FRMD4A: variants seen among roughly 807,000 people sequenced by gnomAD.
The protein encoded by FRMD4A is FERM domain containing 4A.
FRMD4A carries 29 observed loss-of-function variants against 129.1 expected under a neutral mutation model. The ratio of observed to expected loss-of-function variants is 0.22; its 90% CI spans 0.17 to 0.31. The LOEUF (loss-of-function observed/expected upper bound fraction) is 0.31, where lower values mean the gene tolerates loss of function less well. FRMD4A is among the 10% of genes least tolerant of loss of function. FRMD4A has a pLI of 1.00. For synonymous variants in FRMD4A, 634 were observed against 571.6 expected (o/e 1.11, Z -1.56); for missense variants, 1,272 against 1,375.8 (o/e 0.92, Z 1.19).
intron 2 of FRMD4A, among the ~76,000 whole-genome samples, chr10:13,983,820 T>C (rs932770965): frequency 4.7e-5 from 7 of 149,852 alleles, no homozygotes; most frequent in Non-Finnish European, 8.8e-5. Context: ...GCCAATGTGG[T>C]GAAACCTCGT....
chr10:13,864,285 C>T (rs904386242), intron 2 of FRMD4A, among the ~76,000 whole-genome samples: 5 of 147,300 alleles, frequency 3.4e-5, no homozygotes, highest in Non-Finnish European at 7.4e-5. Flanking sequence ...CATGAGCCAC[C>T]ACACCCCGCC....
chr10:13,665,021 T>TA (rs1281077588), intron 18 of FRMD4A, among the ~76,000 whole-genome samples: 1 of 152,194 alleles, frequency 6.6e-6, no homozygotes, highest in African/African-American at 2.4e-5. Context: ...TAGCTAGGAT[T>TA]ACAGGCATGC....
intron 2 of FRMD4A, among the ~76,000 whole-genome samples, chr10:14,051,980 G>A (rs1277250566): frequency 6.6e-6 from 1 of 152,224 alleles, no homozygotes; most frequent in Non-Finnish European, 1.5e-5. Flanking sequence ...AAGGTAACAT[G>A]AGGTCACACT....
At chr10:13,891,604 G>A (rs1354914498) in intron 2 of FRMD4A, 4 of 985,182 alleles carry the variant, frequency 4.1e-6, no homozygotes, top group African/African-American at 1.7e-5. Flanking sequence ...CACCGCGACC[G>A]GGAAACAAAG....
In FRMD4A at chr10:13,657,171, C is replaced by T; in HGVS notation, c.2418G>A (p.Ala806=). The T allele has an allele frequency of 2.0e-6, 3 of 1,494,288 alleles. No homozygotes were observed. The highest frequency in any genetic ancestry group is 2.7e-6 in the Non-Finnish European group (3 of 1,127,920). 92.6% of individuals were successfully genotyped at this position (1,494,288 alleles called of 1,614,324 possible). A position where few individuals can be genotyped will look rare whatever the true frequency, so the allele number is the denominator to read the frequency against. ...ASSGSMPNLA[A]RGGAGGAGGA... is the part of the protein sequence containing the mutation. ...CCCCCGCGCCCCCCGCACCCCCGCG[C>T]GCCGCCAGGTTGGGCATGCTGCCCG... Residue 806 remains alanine, a synonymous_variant, in exon 22 of 25, where the codon GCG becomes GCA. Transcript: ENST00000357447.
At chr10:13,994,534 C>T (rs949400757) in intron 2 of FRMD4A, among the ~76,000 whole-genome samples, 2 of 152,086 alleles carry the variant, frequency 1.3e-5, no homozygotes, top group African/African-American at 4.8e-5. Context: ...GTTGGTCAGG[C>T]TGGTCTCAAA....
At chr10:13,909,612 A>T (rs2094920485) in intron 2 of FRMD4A, among the ~76,000 whole-genome samples, 1 of 152,246 alleles carries the variant, frequency 6.6e-6, no homozygotes, top group African/African-American at 2.4e-5. Context: ...ATTATTATGG[A>T]TGTACGAACA....
At chr10:13,693,776 A>T in intron 15 of FRMD4A, 122 bp downstream of exon 15, 1 of 1,085,452 alleles carries the variant, frequency 9.2e-7, no homozygotes, top group Non-Finnish European at 1.4e-6. Context: ...CTGGAAAGCA[A>T]AGCCAGCTTT....
intron 2 of FRMD4A, among the ~76,000 whole-genome samples, chr10:14,092,668 A>T (rs789769): frequency 0.46 from 70,062 of 152,086 alleles, 16,462 homozygotes; most frequent in East Asian, 0.7. Flanking sequence ...CATCGTGGTG[A>T]CCCACTTAGT....
intron 2 of FRMD4A, among the ~76,000 whole-genome samples, chr10:14,159,705 A>G (rs1840781562): frequency 6.6e-6 from 1 of 152,204 alleles, no homozygotes; most frequent in Non-Finnish European, 1.5e-5. Flanking sequence ...AAGAAAAAAC[A>G]AAAACAACAA....
intron 2 of FRMD4A, among the ~76,000 whole-genome samples, chr10:14,298,495 T>C (rs1356028673): frequency 6.6e-6 from 1 of 152,148 alleles, no homozygotes. Flanking sequence ...AAGCCTCCAC[T>C]CAGCTGCAAG....
chr10:14,173,958 C>A (rs1004293982), intron 2 of FRMD4A, among the ~76,000 whole-genome samples: 1 of 151,982 alleles, frequency 6.6e-6, no homozygotes, highest in African/African-American at 2.4e-5. Context: ...ATGCACAGAG[C>A]CTTTTCTGTC....
intron 15 of FRMD4A, among the ~76,000 whole-genome samples, chr10:13,688,366 G>A (rs972993869): frequency 6.6e-6 from 1 of 152,074 alleles, no homozygotes; most frequent in Non-Finnish European, 1.5e-5. Context: ...GACACAGGAA[G>A]GGGAACATCA....
chr10:14,078,548 T>A (rs1160927856), intron 2 of FRMD4A, among the ~76,000 whole-genome samples: 1 of 152,228 alleles, frequency 6.6e-6, no homozygotes, highest in Non-Finnish European at 1.5e-5. Context: ...AACAGTAAGT[T>A]ACTGAGCACC....
chr10:14,134,705 G>A (rs1461794271), intron 2 of FRMD4A, among the ~76,000 whole-genome samples: 1 of 151,986 alleles, frequency 6.6e-6, no homozygotes, highest in Non-Finnish European at 1.5e-5. Context: ...GTCAATAGAT[G>A]GGTGGATGGA....
intron 12 of FRMD4A, among the ~76,000 whole-genome samples, chr10:13,730,373 A>G (rs996975634): frequency 6.6e-6 from 1 of 152,184 alleles, no homozygotes; most frequent in East Asian, 1.9e-4. Context: ...GAAAGAGGTA[A>G]AACTCTTGCT....
chr10:14,074,480 G>T (rs1429728308), intron 2 of FRMD4A: 1 of 152,224 alleles, frequency 6.6e-6, no homozygotes, highest in Admixed American at 6.5e-5. Context: ...CATGGCAGAC[G>T]CTGTGAATGC....
chr10:14,330,912 G>A lies in FRMD4A; in HGVS notation c.-397C>T. 2.5e-6 allele frequency: 1 copy of A among 398,516 alleles called. No homozygotes were observed. 24.7% of individuals were successfully genotyped at this position (398,516 alleles called of 1,614,324 possible). A position where few individuals can be genotyped will look rare whatever the true frequency, so the allele number is the denominator to read the frequency against. The stretch of plus-strand genomic sequence containing the variant: ...ATCTCCCTGGCTGTACCACATGTAC[G>A]CCGCATACAGACACACTCTACCTCT... On this transcript the variant is annotated 5_prime_UTR_variant, in exon 1 of 25. Transcript: ENST00000357447.
intron 13 of FRMD4A, among the ~76,000 whole-genome samples, chr10:13,703,706 G>A (rs1258956232): frequency 1.3e-5 from 2 of 152,284 alleles, no homozygotes; most frequent in South Asian, 2.1e-4. Context: ...AAAGCACCGC[G>A]AGGTTCACTT....
Sources: allele counts gnomAD v4.1 joint callset (sites outside exome capture counted in the v4.1 genomes callset), GRCh38; gene constraint gnomAD v4.1.1; transcripts MANE v1.5; gene names NCBI Gene and HGNC (gene_info 2026-07-23, HGNC 2026-07-21).